Variants in PLPPR1 observed in about 807,000 individuals in gnomAD.
The protein encoded by PLPPR1 is phospholipid phosphatase-related protein type 1.
A neutral mutation model predicts 33.1 loss-of-function variants in PLPPR1; 10 were observed. That is an observed-to-expected ratio of 0.30 (90% confidence interval 0.19 to 0.51). The LOEUF (loss-of-function observed/expected upper bound fraction) is 0.51, where lower values mean the gene tolerates loss of function less well. Ranked by LOEUF, PLPPR1 falls within the 20% of genes least tolerant of loss-of-function variation. The pLI, the probability that PLPPR1 is intolerant of heterozygous loss-of-function variation, is 0.97. For synonymous variants in PLPPR1, 151 were observed against 151.0 expected (o/e 1.00, Z 0.00); for missense variants, 304 against 408.1 (o/e 0.74, Z 2.20).
chr9:101,226,111 C>T (rs1373830826), intron 2 of PLPPR1, among the ~76,000 whole-genome samples: 2 of 152,138 alleles, frequency 1.3e-5, no homozygotes, highest in Non-Finnish European at 2.9e-5. Context: ...GCTTACCCTC[C>T]TGACATGATG....
chr9:101,316,252 C>T (rs560297492), intron 6 of PLPPR1, among the ~76,000 whole-genome samples: 4 of 152,032 alleles, frequency 2.6e-5, no homozygotes, highest in Admixed American at 6.5e-5. Flanking sequence ...CTGGCTAACA[C>T]GGTGAAACCC....
At chr9:101,101,264 T>G (rs1238781892) in intron 1 of PLPPR1, among the ~76,000 whole-genome samples, 3 of 152,172 alleles carry the variant, frequency 2.0e-5, no homozygotes, top group Admixed American at 2.0e-4. Flanking sequence ...ATGACTTACA[T>G]ATCATCATAT....
intron 1 of PLPPR1, among the ~76,000 whole-genome samples, chr9:101,033,006 C>T (rs1829964472): frequency 6.6e-6 from 1 of 152,094 alleles, no homozygotes; most frequent in Non-Finnish European, 1.5e-5. Context: ...ATTGTGAAAA[C>T]TTTAAAAATA....
intron 2 of PLPPR1, among the ~76,000 whole-genome samples, chr9:101,256,376 T>C (rs1827802211): frequency 6.6e-6 from 1 of 151,846 alleles, no homozygotes; most frequent in Non-Finnish European, 1.5e-5. Flanking sequence ...TACGTAAGTC[T>C]TTTAGAGATA....
intron 2 of PLPPR1, among the ~76,000 whole-genome samples, chr9:101,217,922 A>G (rs141992118): frequency 5.9e-4 from 90 of 152,308 alleles, no homozygotes; most frequent in African/African-American, 2.0e-3. Context: ...CTCCAAGCAT[A>G]ATTTTGGAAA....
chr9:101,133,233 T>C (rs1173597787), intron 1 of PLPPR1, among the ~76,000 whole-genome samples: 6 of 152,234 alleles, frequency 3.9e-5, no homozygotes, highest in Non-Finnish European at 7.3e-5. Context: ...ATTGATCTTA[T>C]ACTTTAATAT....
chr9:101,045,433 G>C (rs150690919), intron 1 of PLPPR1, among the ~76,000 whole-genome samples: 2 of 152,346 alleles, frequency 1.3e-5, no homozygotes, highest in East Asian at 1.9e-4. Context: ...AAGTGAATGA[G>C]TAAGTGAACC....
intron 2 of PLPPR1, among the ~76,000 whole-genome samples, chr9:101,227,871 G>A (rs983298934): frequency 3.9e-5 from 6 of 152,126 alleles, no homozygotes; most frequent in Non-Finnish European, 5.9e-5. Flanking sequence ...CCACCTCCTG[G>A]GTTCAAGCGA....
chr9:101,243,212 G>C (rs1351395318), intron 2 of PLPPR1, among the ~76,000 whole-genome samples: 10 of 151,996 alleles, frequency 6.6e-5, no homozygotes, highest in African/African-American at 2.4e-4. Flanking sequence ...GAGGACCCAG[G>C]TCGTCAGAAT....
intron 2 of PLPPR1, among the ~76,000 whole-genome samples, chr9:101,252,446 A>T (rs1827728320): frequency 6.6e-6 from 1 of 152,130 alleles, no homozygotes; most frequent in Non-Finnish European, 1.5e-5. Context: ...CGAAGTCCCA[A>T]TCTGTTCATT....
At chr9:101,180,713 T>A (rs1826096229) in intron 1 of PLPPR1, among the ~76,000 whole-genome samples, 1 of 151,836 alleles carries the variant, frequency 6.6e-6, no homozygotes, top group Admixed American at 6.6e-5. Context: ...TGGACTCTTA[T>A]TCCACACCAT....
At chr9:101,064,650 A>T (rs1233575351) in intron 1 of PLPPR1, among the ~76,000 whole-genome samples, 1 of 152,100 alleles carries the variant, frequency 6.6e-6, no homozygotes, top group Non-Finnish European at 1.5e-5. Context: ...AATTCTGGGT[A>T]GGAGGTGCAT....
At chr9:101,227,079 C>T (rs1310290139) in intron 2 of PLPPR1, among the ~76,000 whole-genome samples, 1 of 152,018 alleles carries the variant, frequency 6.6e-6, no homozygotes, top group East Asian at 1.9e-4. Flanking sequence ...GCCATGGGAA[C>T]TTGAAGGGAC....
intron 1 of PLPPR1, among the ~76,000 whole-genome samples, chr9:101,110,139 A>G (rs1281225068): frequency 6.6e-6 from 1 of 152,252 alleles, no homozygotes; most frequent in African/African-American, 2.4e-5. Context: ...TTAGCTAACA[A>G]ATTAGCTGAA....
At chr9:101,256,123 A>G (rs1827797762) in intron 2 of PLPPR1, among the ~76,000 whole-genome samples, 1 of 152,178 alleles carries the variant, frequency 6.6e-6, no homozygotes. Flanking sequence ...GCTTCCTTAA[A>G]AAACAACAAC....
intron 3 of PLPPR1, among the ~76,000 whole-genome samples, chr9:101,276,408 G>T (rs1188520252): frequency 6.6e-6 from 1 of 151,858 alleles, no homozygotes; most frequent in Non-Finnish European, 1.5e-5. Context: ...CTCCTTTAGA[G>T]ATTGTTTTTC....
intron 1 of PLPPR1, among the ~76,000 whole-genome samples, chr9:101,160,721 C>T (rs1831761664): frequency 6.6e-6 from 1 of 151,910 alleles, no homozygotes; most frequent in Admixed American, 6.6e-5. Context: ...CATCAAGATC[C>T]CATAAATATT....
At chr9:101,302,055 C>A (rs987144678) in intron 4 of PLPPR1, among the ~76,000 whole-genome samples, 1 of 152,262 alleles carries the variant, frequency 6.6e-6, no homozygotes, top group Admixed American at 6.5e-5. Flanking sequence ...GCCTCTGGAG[C>A]CTTACTATTC....
chr9:101,146,168 C>T (rs1217267960), intron 1 of PLPPR1, among the ~76,000 whole-genome samples: 1 of 152,094 alleles, frequency 6.6e-6, no homozygotes, highest in African/African-American at 2.4e-5. Flanking sequence ...TTATGTGTCT[C>T]TTGCTTTGAG....
Sources: allele counts gnomAD v4.1 joint callset (sites outside exome capture counted in the v4.1 genomes callset), GRCh38; gene constraint gnomAD v4.1.1; transcripts MANE v1.5; gene names NCBI Gene and HGNC (gene_info 2026-07-23, HGNC 2026-07-21).